The following CSF1 variants were observed in gnomAD, a reference collection of about 807,000 sequenced individuals.
CSF1 encodes macrophage colony-stimulating factor 1.
CSF1 carries 9 observed loss-of-function variants against 48.9 expected under a neutral mutation model. The observed-to-expected ratio is 0.18, with a 90% CI of 0.11 to 0.32. CSF1 has a LOEUF of 0.32. Among genes scored for constraint, CSF1 ranks in the 10% least tolerant of loss-of-function variants. The pLI, the probability that CSF1 is intolerant of heterozygous loss-of-function variation, is 1.00. For synonymous variants in CSF1, 305 were observed against 284.1 expected (o/e 1.07, Z -0.74); for missense variants, 672 against 697.9 (o/e 0.96, Z 0.42).
chr1:109,923,275 G>A lies in CSF1; in HGVS notation c.654G>A (p.Val218=). The change falls in exon 6 of 9, where the codon GTG becomes GTA. Residue 218 remains valine (V), a synonymous_variant. Coordinates refer to ENST00000329608, the MANE Select transcript of CSF1 (RefSeq NM_000757.6). ...CCCTCGCCCCCTCCATGGCCCCTGT[G>A]GCTGGCTTGACCTGGGAGGACTCTG... ...HQPLAPSMAP[V]AGLTWEDSEG... is the part of the protein sequence containing the mutation. 6.2e-7 allele frequency: 1 copy of A among 1,612,120 alleles called. No homozygotes were observed.
At chr1:109,911,181 C>A in intron 1 of CSF1, 119 bp downstream of exon 1, 1 of 625,370 alleles carries the variant, frequency 1.6e-6, no homozygotes, top group Non-Finnish European at 2.0e-6. Flanking sequence ...ACTGGCCCGG[C>A]GTTCCCGCCG....
At chr1:109,925,324 G>T (rs1446219996) in intron 8 of CSF1, 122 bp downstream of exon 8, 24 of 809,870 alleles carry the variant, frequency 3.0e-5, no homozygotes, top group Non-Finnish European at 4.8e-5. Flanking sequence ...CCTCTCTCCA[G>T]TTCCCTTTCC....
Position 109,923,300 on chromosome 1 carries a change from G to A in CSF1, c.679G>A (p.Glu227Lys). 6.2e-7 allele frequency: 1 copy of A among 1,612,742 alleles called. No individual in the cohort carries two copies. The highest frequency in any genetic ancestry group is 1.1e-5 in the South Asian group (1 of 90,832). Residue 227 changes from glutamate to lysine, a missense_variant, in exon 6 of 9, where the codon GAG becomes AAG. Glu to Lys is a moderately conservative substitution (Grantham distance 56). Around this residue, in one of 3 missense-constraint regions of CSF1, gnomAD observed 591 missense variants for 593.6 expected, o/e 1.00. Transcript: ENST00000329608. ...PVAGLTWEDS[E>K]GTEGSSLLPG... ...GGCTGGCTTGACCTGGGAGGACTCTGAGGGAACTGAGGGCAGCTCCCTCTT... is the reference window on the plus strand; with the variant it reads ...GGCTGGCTTGACCTGGGAGGACTCTAAGGGAACTGAGGGCAGCTCCCTCTT...
Position 109,917,403 on chromosome 1 carries a change from G to A in CSF1, c.336G>A (p.Leu112=), listed in dbSNP as rs200990382. 2.5e-6 allele frequency: 4 copies of A among 1,614,226 alleles called. No individual in the cohort carries two copies. In the African/African-American group the frequency reaches 4.0e-5, roughly 16 times the overall value. ...CCAATGCCATCGCCATTGTGCAGCT[G>A]CAGGAACTCTCTTTGAGGCTGAAGA... The part of the protein sequence containing the change: ...NTPNAIAIVQ[L]QELSLRLKSC... Residue 112 remains leucine (L), a synonymous_variant, in exon 4 of 9, where the codon CTG becomes CTA. Coordinates refer to ENST00000329608, the MANE Select transcript of CSF1 (RefSeq NM_000757.6).
chr1:109,915,985 A>G (rs1654888094), intron 3 of CSF1, among the ~76,000 whole-genome samples: 1 of 152,220 alleles, frequency 6.6e-6, no homozygotes, highest in Non-Finnish European at 1.5e-5. Flanking sequence ...TTATCCACAG[A>G]GAGGTGAAAG....
At chr1:109,917,523 G>A (rs12721515) in intron 4 of CSF1, 60 bp downstream of exon 4, 29,930 of 1,533,140 alleles carry the variant, frequency 0.02, 372 homozygotes, top group Middle Eastern at 0.024. Flanking sequence ...TGGAGGCGCC[G>A]CTCTATCCAC....
chr1:109,923,592 C>T lies in CSF1; in HGVS notation c.971C>T (p.Ser324Phe). 1 of 1,614,190 alleles carries T rather than the reference C, an allele frequency of 6.2e-7. No individual in the cohort carries two copies. Among genetic ancestry groups the T allele is most frequent in the Non-Finnish European group, 8.5e-7 (1 of 1,180,024 alleles). ...EIPVPQGTELSPSRPGGGSMQ... is the reference protein window; with the variant it reads ...EIPVPQGTELFPSRPGGGSMQ... ...CCCGTACCCCAAGGGACAGAGCTTT[C>T]CCCCTCCAGGCCAGGAGGGGGCAGC... is the stretch of plus-strand genomic sequence containing the variant. The change falls in exon 6 of 9, where the codon TCC becomes TTC. Residue 324 changes from serine to phenylalanine, a missense_variant. Physicochemically the swap from Ser to Phe is radical, Grantham distance 155. Transcript: ENST00000329608.
chr1:109,917,200 G>T (rs78075087), intron 3 of CSF1, 93 bp from the exon 4 acceptor site: 2 of 1,373,400 alleles, frequency 1.5e-6, no homozygotes, highest in South Asian at 1.4e-5. Flanking sequence ...CTGGGGGAAG[G>T]GGGAGAGCAA....
intron 4 of CSF1, among the ~76,000 whole-genome samples, chr1:109,919,300 G>C (rs772409568): frequency 1.3e-5 from 2 of 152,166 alleles, no homozygotes; most frequent in African/African-American, 4.8e-5. Context: ...GTTCAGCGGC[G>C]CAATCACGAC....
At chr1:109,920,372 A>G (rs904327312) in intron 4 of CSF1, among the ~76,000 whole-genome samples, 1 of 151,986 alleles carries the variant, frequency 6.6e-6, no homozygotes, top group Non-Finnish European at 1.5e-5. Flanking sequence ...GGTTCAAGCA[A>G]TTCTCCTGCC....
In CSF1 at chr1:109,916,676, G is replaced by A. The variant is rs147376367; in HGVS notation, c.226-617G>A. Among the ~76,000 whole-genome samples the A allele has an allele frequency of 3.9e-3, 598 of 152,266 alleles. 2 individuals are homozygous for A. The highest frequency in any genetic ancestry group is 6.8e-3 in the Middle Eastern group (2 of 294). ...ACCTGACCCATATGCACCTCTGTTA[G>A]GACTAGAGATCACCTCATGGTCCAA... On this transcript the variant is annotated intron_variant, in intron 3 of 8. Coordinates refer to ENST00000329608, the MANE Select transcript of CSF1 (RefSeq NM_000757.6).
chr1:109,927,248 G>A (rs1353730034), intron 8 of CSF1, among the ~76,000 whole-genome samples: 2 of 152,264 alleles, frequency 1.3e-5, no homozygotes, highest in Non-Finnish European at 1.5e-5. Context: ...TCTCCCATGT[G>A]TGGAGTGACA....
intron 1 of CSF1, among the ~76,000 whole-genome samples, chr1:109,912,249 G>A (rs1654720648): frequency 6.6e-6 from 1 of 152,158 alleles, no homozygotes; most frequent in Non-Finnish European, 1.5e-5. Context: ...CCAAGGGCCC[G>A]GTTCTGCCAG....
chr1:109,920,412 C>G (rs965683721), intron 4 of CSF1, among the ~76,000 whole-genome samples: 1 of 152,088 alleles, frequency 6.6e-6, no homozygotes, highest in Non-Finnish European at 1.5e-5. Flanking sequence ...GGATTACAGG[C>G]ACGCACCACC....
At chr1:109,913,646 A>C (rs1330253662) in intron 1 of CSF1, among the ~76,000 whole-genome samples, 1 of 152,238 alleles carries the variant, frequency 6.6e-6, no homozygotes, top group Non-Finnish European at 1.5e-5. Context: ...GGTGCCTCTG[A>C]TTAATCAGCT....
chr1:109,921,387 G>A (rs1647532335), intron 4 of CSF1, among the ~76,000 whole-genome samples: 2 of 152,190 alleles, frequency 1.3e-5, no homozygotes, highest in Admixed American at 1.3e-4. Flanking sequence ...CAGCTCTCTG[G>A]GATCCCATCT....
Position 109,923,218 on chromosome 1 carries a change from C to A in CSF1, c.597C>A (p.Ser199Arg), listed in dbSNP as rs765879124. Residue 199 changes from serine to arginine, a missense_variant, in exon 6 of 9, where the codon AGC becomes AGA. This residue lies in a region of CSF1 where 591 missense variants were observed against 593.6 expected (regional missense o/e 1.00). Coordinates refer to ENST00000329608, the MANE Select transcript of CSF1 (RefSeq NM_000757.6). ...CNCLYPKAIP[S>R]SDPASVSPHQ... ...GCCTGTACCCCAAAGCCATCCCTAG[C>A]AGTGACCCGGCCTCTGTCTCCCCTC... The A allele has an allele frequency of 1.3e-6, 2 of 1,554,452 alleles. No individual in the cohort carries two copies. The highest frequency in any genetic ancestry group is 1.2e-5 in the South Asian group (1 of 80,260).
chr1:109,913,245 A>T (rs1570786140), intron 1 of CSF1, among the ~76,000 whole-genome samples: 3 of 152,196 alleles, frequency 2.0e-5, no homozygotes. Context: ...GATAGTGTCA[A>T]CCTTCACCCT....
In CSF1 at chr1:109,924,631, G is replaced by C. The variant is rs967083678; in HGVS notation, c.1570-145G>C. The C allele has an allele frequency of 4.0e-5, 28 of 694,666 alleles. No homozygotes were observed. In the African/African-American group the frequency reaches 4.8e-4, roughly 12 times the overall value. 43.0% of individuals were successfully genotyped at this position (694,666 alleles called of 1,614,324 possible). A position where few individuals can be genotyped will look rare whatever the true frequency, so the allele number is the denominator to read the frequency against. ...GAGAGACCTCACAAATCTCCCTTGG[G>C]CCTCTGGCTGATCCCCACTTTTGGG... On this transcript the variant is annotated intron_variant, in intron 6 of 8. Coordinates refer to ENST00000329608, the MANE Select transcript of CSF1 (RefSeq NM_000757.6).
Sources: allele counts gnomAD v4.1 joint callset (sites outside exome capture counted in the v4.1 genomes callset), GRCh38; gene constraint gnomAD v4.1.1; regional missense constraint gnomAD v4.1.1; transcripts MANE v1.5; gene names NCBI Gene and HGNC (gene_info 2026-07-23, HGNC 2026-07-21).